ATP2A3: variants seen among roughly 807,000 people sequenced by gnomAD.
ATP2A3 encodes ATPase sarcoplasmic/endoplasmic reticulum Ca2+ transporting 3.
In ATP2A3, 61 loss-of-function variants were observed where a neutral mutation model predicts 106.8. The observed-to-expected ratio is 0.57, with a 90% CI of 0.46 to 0.71. ATP2A3 has a LOEUF of 0.71. ATP2A3 is among the 30% of genes least tolerant of loss of function. The pLI is 0.00. For synonymous variants in ATP2A3, 611 were observed against 609.3 expected (o/e 1.00, Z -0.04); for missense variants, 1,201 against 1,423.5 (o/e 0.84, Z 2.52).
Position 3,957,624 on chromosome 17 carries a change from C to G in ATP2A3, c.119-3914G>C, listed in dbSNP as rs1014168300. ...GCAACCCTGAAGGACCCAATTCTCC[C>G]CTCGCATGAATGAGCCCCAGGGTGA... is the stretch of plus-strand genomic sequence containing the variant. On this transcript the variant is annotated intron_variant, in intron 1 of 20. Coordinates refer to ENST00000397041, the MANE Select transcript of ATP2A3 (RefSeq NM_005173.4). 4.6e-5 allele frequency among the ~76,000 whole-genome samples: 7 copies of G among 152,350 alleles called. No homozygotes were observed. In the East Asian group the frequency reaches 1.4e-3, roughly 29 times the overall value.
intron 10 of ATP2A3, among the ~76,000 whole-genome samples, chr17:3,944,225 C>G (rs1019300887): frequency 6.6e-6 from 1 of 152,226 alleles, no homozygotes; most frequent in African/African-American, 2.4e-5. Context: ...ATGTCACTCT[C>G]CTGCTCAAAA....
rs903914984 is a variant in ATP2A3 at position 3,942,721 on chromosome 17, T to C, written c.1430A>G (p.Gln477Arg). 6 of 1,613,274 alleles carry C rather than the reference T, an allele frequency of 3.7e-6. No homozygotes were observed. The highest frequency in any genetic ancestry group is 1.6e-4 in the Middle Eastern group (1 of 6,062). The change falls in exon 12 of 21, where the codon CAG becomes CGG. Residue 477 changes from glutamine (Q) to arginine (R), a missense_variant. Physicochemically the swap from Gln to Arg is conservative, Grantham distance 43. Transcript: ENST00000397041. ...CAGGGTGAACTCCTTCCGCATCAGC[T>C]GCTTGATGACCTGCGGGGTCCAGGC... ...RAGACNTVIK[Q>R]LMRKEFTLEF...
rs2053443070 is a variant in ATP2A3, at chr17:3,936,400, C to G, written c.2391G>C (p.Leu797=). Residue 797 remains leucine (L), a synonymous_variant, in exon 16 of 21, where the codon CTG becomes CTC. Transcript: ENST00000397041. This position sits in a 1 kb window ranked among gnomAD's most constrained non-coding sequence, Gnocchi z 5.4. ...LIPVQLLWVN[L]VTDGLPATAL... ...CCGTGGCAGGTAGGCCGTCTGTCAC[C>G]AGGTTCACCCAGAGCAGCTGCACAG... 6 of 1,613,972 alleles carry G rather than the reference C, an allele frequency of 3.7e-6. No individual in the cohort carries two copies. Among genetic ancestry groups the G allele is most frequent in the Non-Finnish European group, 4.2e-6 (5 of 1,180,026 alleles).
intron 1 of ATP2A3, among the ~76,000 whole-genome samples, chr17:3,956,390 G>A (rs1392259601): frequency 6.6e-6 from 1 of 152,194 alleles, no homozygotes; most frequent in East Asian, 1.9e-4. Context: ...CCAGGTTGGA[G>A]CATTGACTTT....
At chr17:3,940,940 C>T (rs764036655) in intron 14 of ATP2A3, 31 bp downstream of exon 14, 151 of 1,612,690 alleles carry the variant, frequency 9.4e-5, no homozygotes, top group Non-Finnish European at 1.3e-4. Context: ...CACTCATCAC[C>T]CCCTCCTGGG....
chr17:3,954,756 A>G (rs944394938), intron 1 of ATP2A3, among the ~76,000 whole-genome samples: 37 of 151,642 alleles, frequency 2.4e-4, no homozygotes, highest in Admixed American at 5.3e-4. Context: ...CGGCCTCCCA[A>G]AGTGCTGGGA....
At chr17:3,958,803 C>CACACACATATATAT (rs1360510865) in intron 1 of ATP2A3, among the ~76,000 whole-genome samples, 1 of 116,096 alleles carries the variant, frequency 8.6e-6, no homozygotes, top group Admixed American at 8.7e-5. Flanking sequence ...CATATATATA[C>CACACACATATATAT]ACACATATAT....
rs559148322 is a variant in ATP2A3 at position 3,930,570 on chromosome 17, T to C, written c.2611-136A>G. ...CACAAAACACTGCCGTGGGGTGGGCTGGGGATCCCGGGAGGGGTGCGGGGT... is the reference window on the plus strand; with the variant it reads ...CACAAAACACTGCCGTGGGGTGGGCCGGGGATCCCGGGAGGGGTGCGGGGT... On this transcript the variant is annotated intron_variant, in intron 17 of 20. Transcript: ENST00000397041. This position sits in a 1 kb window ranked among gnomAD's most constrained non-coding sequence, Gnocchi z 5.4. 1 of 674,092 alleles carries C rather than the reference T, an allele frequency of 1.5e-6. No individual in the cohort carries two copies. Among genetic ancestry groups the C allele is most frequent in the South Asian group, 1.6e-5 (1 of 61,262 alleles). 41.8% of individuals were successfully genotyped at this position (674,092 alleles called of 1,614,324 possible).
rs921480954 is a variant in ATP2A3, at chr17:3,926,328, G to T, written c.2981-887C>A. 3.3e-5 allele frequency among the ~76,000 whole-genome samples: 5 copies of T among 152,174 alleles called. No individual in the cohort carries two copies. Among genetic ancestry groups the T allele is most frequent in the Admixed American group, 1.3e-4 (2 of 15,276 alleles). On this transcript the variant is annotated intron_variant, in intron 20 of 20. Transcript: ENST00000397041. This position sits in a 1 kb window ranked among gnomAD's most constrained non-coding sequence, Gnocchi z 4.6. Reference sequence around the variant, plus strand: ...CAGGGACTGCAGTAGCGCTGGGCAGGGCTGTCTGGGCTTCCAGTGAGCACA... The same window carrying T: ...CAGGGACTGCAGTAGCGCTGGGCAGTGCTGTCTGGGCTTCCAGTGAGCACA...
In ATP2A3 at chr17:3,936,578, A is replaced by C; in HGVS notation, c.2322-109T>G. ...GGGAGCTCACCCACCCACTGTCTCC[A>C]CAGCAGCCCCTCCTCCCTCCGCCAG... On this transcript the variant is annotated intron_variant, in intron 15 of 20. Coordinates refer to ENST00000397041, the MANE Select transcript of ATP2A3 (RefSeq NM_005173.4). The surrounding 1 kb of genome is among the most constrained non-coding windows in gnomAD (Gnocchi z 5.4). 2 of 1,191,332 alleles carry C rather than the reference A, an allele frequency of 1.7e-6. No homozygotes were observed. Among genetic ancestry groups the C allele is most frequent in the Non-Finnish European group, 2.5e-6 (2 of 810,066 alleles). 73.8% of individuals were successfully genotyped at this position (1,191,332 alleles called of 1,614,324 possible).
chr17:3,964,407 C>T lies in ATP2A3; in HGVS notation c.-116G>A. 6 of 451,016 alleles carry T rather than the reference C, an allele frequency of 1.3e-5. No individual in the cohort carries two copies. The highest frequency in any genetic ancestry group is 1.8e-5 in the Non-Finnish European group (6 of 327,364). The allele number at this position is 451,016 out of a possible 1,614,324, so 27.9% of individuals were successfully genotyped here. A position where few individuals can be genotyped will look rare whatever the true frequency, so the allele number is the denominator to read the frequency against. On this transcript the variant is annotated 5_prime_UTR_variant, in exon 1 of 21. Transcript: ENST00000397041. Reference sequence around the variant, plus strand: ...GGGCGGGCGCCGCGCGAGGCCATGTCCGTGCTGGGACCTTACCCGACGGCA... The same window carrying T: ...GGGCGGGCGCCGCGCGAGGCCATGTTCGTGCTGGGACCTTACCCGACGGCA...
rs781202973 is a variant in ATP2A3, at chr17:3,928,340, G to A, written c.2980+323C>T. The A allele has an allele frequency of 2.5e-6, 4 of 1,611,294 alleles. No individual in the cohort carries two copies. The highest frequency in any genetic ancestry group is 1.7e-5 in the Admixed American group (1 of 59,962). On this transcript the variant is annotated intron_variant, in intron 20 of 20. Transcript: ENST00000397041. The surrounding 1 kb of genome is among the most constrained non-coding windows in gnomAD (Gnocchi z 6.1). Reference sequence around the variant, plus strand: ...GGATAAAGACAGGCTGGGTGCAGAGGGGTCAGAGGCTGAGGCCCAGAAGAG... The same window carrying A: ...GGATAAAGACAGGCTGGGTGCAGAGAGGTCAGAGGCTGAGGCCCAGAAGAG...
Position 3,945,131 on chromosome 17 carries a change from C to G in ATP2A3, c.1113G>C (p.Glu371Asp), listed in dbSNP as rs552059553. 14 of 1,547,938 alleles carry G rather than the reference C, an allele frequency of 9.0e-6. No individual in the cohort carries two copies. The highest frequency in any genetic ancestry group is 1.4e-5 in the African/African-American group (1 of 72,908). ...MSVCRMFVVA[E>D]ADAGSCLLHE... ...GCAAAAGGCAGGAGCCCGCATCGGCCTCGGCTACCACGAACATCTGGGGAG... is the reference window on the plus strand; with the variant it reads ...GCAAAAGGCAGGAGCCCGCATCGGCGTCGGCTACCACGAACATCTGGGGAG... The change falls in exon 9 of 21, where the codon GAG (glutamate) becomes GAC (aspartate). Residue 371 changes from glutamate to aspartate, a missense_variant. By Grantham distance (45) the Glu-to-Asp change is conservative (BLOSUM62 2). Coordinates refer to ENST00000397041, the MANE Select transcript of ATP2A3 (RefSeq NM_005173.4).
chr17:3,945,838 A>G (rs1435952972), intron 8 of ATP2A3, among the ~76,000 whole-genome samples: 2 of 152,178 alleles, frequency 1.3e-5, no homozygotes, highest in African/African-American at 4.8e-5. Flanking sequence ...CAGTAGATGC[A>G]TAAGTGTCCC....
intron 8 of ATP2A3, among the ~76,000 whole-genome samples, chr17:3,945,961 T>C (rs1567705330): frequency 4.6e-5 from 7 of 152,198 alleles, no homozygotes; most frequent in Admixed American, 2.6e-4. Flanking sequence ...AAACTCTTTA[T>C]TATTAGCTGG....
intron 1 of ATP2A3, among the ~76,000 whole-genome samples, chr17:3,960,682 C>A (rs555850704): frequency 6.6e-6 from 1 of 152,206 alleles, no homozygotes; most frequent in African/African-American, 2.4e-5. Context: ...AGCAAACCTA[C>A]GAGAGGACTC....
At chr17:3,961,013 C>T (rs919243697) in intron 1 of ATP2A3, among the ~76,000 whole-genome samples, 2 of 152,172 alleles carry the variant, frequency 1.3e-5, no homozygotes, top group African/African-American at 4.8e-5. Flanking sequence ...CACTAGGAAG[C>T]CCCACCGTGC....
chr17:3,940,711 T>C, intron 14 of ATP2A3, among the ~76,000 whole-genome samples: 1 of 152,278 alleles, frequency 6.6e-6, no homozygotes, highest in East Asian at 1.9e-4. Context: ...TTTCCTCATA[T>C]TGGCTAGGCT....
rs1156586511 is a variant in ATP2A3 at position 3,953,889 on chromosome 17, T to G, written c.119-179A>C. ...GGATAAATGGTTTGAGCCCAAATGC[T>G]TCCACCCCTCTACCCTCCCCCGACT... On this transcript the variant is annotated intron_variant, in intron 1 of 20. Coordinates refer to ENST00000397041, the MANE Select transcript of ATP2A3 (RefSeq NM_005173.4). This position sits in a 1 kb window ranked among gnomAD's most constrained non-coding sequence, Gnocchi z 5.1. 6.6e-6 allele frequency among the ~76,000 whole-genome samples: 1 copy of G among 151,878 alleles called. No homozygotes were observed. The highest frequency in any genetic ancestry group is 1.5e-5 in the Non-Finnish European group (1 of 67,958).
Sources: gnomAD v4.1 joint callset for allele counts (sites outside exome capture counted in the v4.1 genomes callset) on GRCh38, gnomAD v4.1.1 for gene constraint, Gnocchi (gnomAD v3.1) non-coding constraint, MANE v1.5 for transcripts, NCBI Gene and HGNC (gene_info 2026-07-23, HGNC 2026-07-21) for gene names.